The following TRAF7 variants were observed in gnomAD, a reference collection of about 807,000 sequenced individuals.
TRAF7 encodes the protein TNF receptor associated factor 7, also known as E3 ubiquitin-protein ligase TRAF7.
A neutral mutation model predicts 89.3 loss-of-function variants in TRAF7; 45 were observed. The observed-to-expected ratio is 0.50, with a 90% CI of 0.40 to 0.65. The LOEUF is 0.65. TRAF7 is among the 30% of genes least tolerant of loss of function. TRAF7 has a pLI of 0.00. For synonymous variants in TRAF7, 406 were observed against 369.2 expected (o/e 1.10, Z -1.14); for missense variants, 677 against 918.1 (o/e 0.74, Z 3.39).
At position 2,175,867 on chromosome 16, in the gene TRAF7, G is replaced by A. The variant is rs749613683; in HGVS notation, c.1660G>A (p.Val554Ile). 2.5e-5 allele frequency: 41 copies of A among 1,613,414 alleles called. No individual in the cohort carries two copies. The highest frequency in any genetic ancestry group is 3.0e-5 in the Non-Finnish European group (35 of 1,179,980). The change falls in exon 18 of 21, where the codon GTC becomes ATC. Residue 554 changes from valine (V) to isoleucine (I), a missense_variant. Val to Ile is a conservative substitution (Grantham distance 29). Around this residue, in one of 6 missense-constraint regions of TRAF7, gnomAD observed 160 missense variants for 263.7 expected, o/e 0.61. Transcript: ENST00000326181. ...CATCCGAACCCTTGACTGCATCCACGTCCTGCAGACGTCTGGTGGCAGCGT... is the reference window on the plus strand; with the variant it reads ...CATCCGAACCCTTGACTGCATCCACATCCTGCAGACGTCTGGTGGCAGCGT... ...WDIRTLDCIH[V>I]LQTSGGSVYS...
Position 2,158,669 on chromosome 16 carries a change from C to T in TRAF7, c.-39+2811C>T, listed in dbSNP as rs2093045678. On this transcript the variant is annotated intron_variant, in intron 1 of 20. Coordinates refer to ENST00000326181, the MANE Select transcript of TRAF7 (RefSeq NM_032271.3). The surrounding 1 kb of genome is among the most constrained non-coding windows in gnomAD (Gnocchi z 4.7). ...GTATGGCCAGTGTTTATGTCAGCTC[C>T]CTGCTGCTGCAGGGCAGAAGGAAGG... Among the ~76,000 whole-genome samples the T allele has an allele frequency of 6.6e-6, 1 of 151,984 alleles. No homozygotes were observed. The highest frequency in any genetic ancestry group is 1.5e-5 in the Non-Finnish European group (1 of 68,008).
chr16:2,157,742 C>T (rs1216900327), intron 1 of TRAF7, among the ~76,000 whole-genome samples: 3 of 152,036 alleles, frequency 2.0e-5, no homozygotes, highest in East Asian at 3.9e-4. Flanking sequence ...AGCCACTCCC[C>T]GGCTTGGCAT....
intron 14 of TRAF7, 55 bp from the exon 15 acceptor site, chr16:2,175,054 CGG>C: frequency 6.2e-7 from 1 of 1,609,134 alleles, no homozygotes; most frequent in South Asian, 1.1e-5. Flanking sequence ...CCTGCCAGGG[CGG>C]TGTCAGCATG....
chr16:2,172,635 G>GGCC, intron 9 of TRAF7, 36 bp downstream of exon 9: 1 of 1,273,310 alleles, frequency 7.9e-7, no homozygotes, highest in Non-Finnish European at 1.1e-6. Context: ...GCCGGGGTGG[G>GGCC]CGCAGGCCCT....
In TRAF7 at chr16:2,161,480, C is replaced by T. The variant is rs2093058256; in HGVS notation, c.-38-2403C>T. On this transcript the variant is annotated intron_variant, in intron 1 of 20. Transcript: ENST00000326181. The surrounding 1 kb of genome is among the most constrained non-coding windows in gnomAD (Gnocchi z 5.2). ...AGGCACTGAGGCCAGCCCGACCCAT[C>T]CCAGGGGAGTGCCTGCTGGGGTCCT... 6.6e-6 allele frequency among the ~76,000 whole-genome samples: 1 copy of T among 152,168 alleles called. No individual in the cohort carries two copies.
In TRAF7 at chr16:2,172,618, G is replaced by T; in HGVS notation, c.794+19G>T. On this transcript the variant is annotated intron_variant, in intron 9 of 20. Coordinates refer to ENST00000326181, the MANE Select transcript of TRAF7 (RefSeq NM_032271.3). The stretch of plus-strand genomic sequence containing the variant: ...AGTACGGGTGAGTGGGGGGCGGGCG[G>T]GGGTGGGCCGGGGTGGGCGCAGGCC... 1 of 1,379,806 alleles carries T rather than the reference G, an allele frequency of 7.2e-7. No individual in the cohort carries two copies. The highest frequency in any genetic ancestry group is 1.3e-5 in the South Asian group (1 of 79,950). The allele number at this position is 1,379,806 out of a possible 1,614,324, so 85.5% of individuals were successfully genotyped here. A position where few individuals can be genotyped will look rare whatever the true frequency, so the allele number is the denominator to read the frequency against.
In TRAF7 at chr16:2,163,727, C is replaced by A. The variant is rs2093066645; in HGVS notation, c.-38-156C>A. On this transcript the variant is annotated intron_variant, in intron 1 of 20. Transcript: ENST00000326181. The surrounding 1 kb of genome is among the most constrained non-coding windows in gnomAD (Gnocchi z 4.3). ...TGGGATCGGGGTGAAGGACCTTTGCCTCCTAGAGGCCTGCCTGAGCCGGGG... is the reference window on the plus strand; with the variant it reads ...TGGGATCGGGGTGAAGGACCTTTGCATCCTAGAGGCCTGCCTGAGCCGGGG... The A allele has an allele frequency of 3.2e-6, 2 of 615,930 alleles. No homozygotes were observed. The highest frequency in any genetic ancestry group is 5.8e-6 in the Non-Finnish European group (2 of 345,052). The allele number at this position is 615,930 out of a possible 1,614,324, so 38.2% of individuals were successfully genotyped here.
rs1410316449 is a variant in TRAF7, at chr16:2,163,161, C to A, written c.-38-722C>A. Among the ~76,000 whole-genome samples, 3 of 152,308 alleles carry A rather than the reference C, an allele frequency of 2.0e-5. No homozygotes were observed. The East Asian group carries it at 5.8e-4, about 29-fold the overall frequency. On this transcript the variant is annotated intron_variant, in intron 1 of 20. Coordinates refer to ENST00000326181, the MANE Select transcript of TRAF7 (RefSeq NM_032271.3). The surrounding 1 kb of genome is among the most constrained non-coding windows in gnomAD (Gnocchi z 4.3). ...CCCCAGGCCCACCAGCCCCTCTCTT[C>A]TGGGGAGGGTGATTCCCGCATGCCT...
At chr16:2,157,247 G>T (rs535948487) in intron 1 of TRAF7, among the ~76,000 whole-genome samples, 1 of 152,104 alleles carries the variant, frequency 6.6e-6, no homozygotes, top group Non-Finnish European at 1.5e-5. Flanking sequence ...GGCATTCATA[G>T]TTCTCTGTGG....
intron 1 of TRAF7, among the ~76,000 whole-genome samples, chr16:2,156,070 G>A (rs958219769): frequency 2.0e-5 from 3 of 152,050 alleles, no homozygotes; most frequent in Admixed American, 6.5e-5. Context: ...TCCGTCCCTC[G>A]CTCCGTCCTG....
chr16:2,170,489 C>G (rs2093104251), intron 4 of TRAF7, 125 bp from the exon 5 acceptor site: 1 of 687,204 alleles, frequency 1.5e-6, no homozygotes, highest in East Asian at 2.7e-5. Context: ...AGGAGAGTAC[C>G]CGCAGGGACC....
intron 12 of TRAF7, 21 bp downstream of exon 12, chr16:2,173,857 G>GCGGGGGCCCCCCCC: frequency 1.2e-6 from 2 of 1,607,484 alleles, no homozygotes; most frequent in Non-Finnish European, 8.5e-7. Flanking sequence ...ACCCGCCGTG[G>GCGGGGGCCCCCCCC]CTCCCGCCCA....
rs1427364302 is a variant in TRAF7 at position 2,172,619 on chromosome 16, G to A, written c.794+20G>A. On this transcript the variant is annotated intron_variant, in intron 9 of 20. Transcript: ENST00000326181. ...GTACGGGTGAGTGGGGGGCGGGCGGGGGTGGGCCGGGGTGGGCGCAGGCCC... is the reference window on the plus strand; with the variant it reads ...GTACGGGTGAGTGGGGGGCGGGCGGAGGTGGGCCGGGGTGGGCGCAGGCCC... 1.5e-6 allele frequency: 2 copies of A among 1,354,804 alleles called. No individual in the cohort carries two copies. The highest frequency in any genetic ancestry group is 1.4e-5 in the African/African-American group (1 of 69,402). 83.9% of individuals were successfully genotyped at this position (1,354,804 alleles called of 1,614,324 possible).
intron 5 of TRAF7, among the ~76,000 whole-genome samples, 176 bp downstream of exon 5, chr16:2,170,906 T>A (rs988098916): frequency 6.6e-6 from 1 of 152,054 alleles, no homozygotes; most frequent in Admixed American, 6.5e-5. Context: ...CCAGGCCGGG[T>A]CCCCTGGGCA....
chr16:2,173,456 C>T, intron 10 of TRAF7, 25 bp from the exon 11 acceptor site: 1 of 1,613,006 alleles, frequency 6.2e-7, no homozygotes, highest in East Asian at 2.2e-5. Flanking sequence ...GCACCAGTGA[C>T]ACCCCCTCTC....
At chr16:2,173,878 C>CCCCCCCCCCCCCCA in intron 12 of TRAF7, 42 bp downstream of exon 12, 1 of 1,590,996 alleles carries the variant, frequency 6.3e-7, no homozygotes, top group South Asian at 1.1e-5. Context: ...CCCTCCCCCC[C>CCCCCCCCCCCCCCA]GGGCCCCAAC....
At position 2,172,083 on chromosome 16, in the gene TRAF7, CAG is replaced by C; in HGVS notation, c.476-105_476-104del. 4 of 1,386,504 alleles carry C rather than the reference CAG, an allele frequency of 2.9e-6. No individual in the cohort carries two copies. The South Asian group carries it at 3.8e-5, about 13-fold the overall frequency. The allele number at this position is 1,386,504 out of a possible 1,614,324, so 85.9% of individuals were successfully genotyped here. A position where few individuals can be genotyped will look rare whatever the true frequency, so the allele number is the denominator to read the frequency against. On this transcript the variant is annotated intron_variant, in intron 7 of 20. Coordinates refer to ENST00000326181, the MANE Select transcript of TRAF7 (RefSeq NM_032271.3). ...GCCCCCGTTCCCATGTTGCGTGCCT[CAG>C]AGGCGCAGATGGACAGATCTGGCCC...
chr16:2,172,070 A>G (rs1201590841), intron 7 of TRAF7, 121 bp from the exon 8 acceptor site: 2 of 1,214,690 alleles, frequency 1.6e-6, no homozygotes, highest in East Asian at 5.1e-5. Flanking sequence ...CCCCGTTCCC[A>G]TGTTGCGTGC....
At chr16:2,167,977 C>A in intron 3 of TRAF7, 100 bp from the exon 4 acceptor site, 2 of 1,089,928 alleles carry the variant, frequency 1.8e-6, no homozygotes, top group Non-Finnish European at 2.7e-6. Flanking sequence ...GGGCTGTGAG[C>A]TACAGGGGAC....
Sources: gnomAD v4.1 joint callset for allele counts (sites outside exome capture counted in the v4.1 genomes callset) on GRCh38, gnomAD v4.1.1 for gene constraint, gnomAD v4.1.1 regional missense constraint, Gnocchi (gnomAD v3.1) non-coding constraint, MANE v1.5 for transcripts, NCBI Gene and HGNC (gene_info 2026-07-23, HGNC 2026-07-21) for gene names.